DLC1: variants seen among roughly 807,000 people sequenced by gnomAD.
DLC1 encodes DLC1 Rho GTPase activating protein.
A neutral mutation model predicts 140.3 loss-of-function variants in DLC1; 54 were observed. That is an observed-to-expected ratio of 0.38 (90% CI 0.31 to 0.48). The LOEUF (loss-of-function observed/expected upper bound fraction) is 0.48. Among genes scored for constraint, DLC1 ranks in the 20% least tolerant of loss-of-function variants. The pLI is 0.96. For synonymous variants in DLC1, 986 were observed against 728.1 expected (o/e 1.35, Z -5.70); for missense variants, 2,536 against 1,907.0 (o/e 1.33, Z -6.14).
At chr8:13,153,121 C>T (rs1036632149) in intron 5 of DLC1, among the ~76,000 whole-genome samples, 1 of 152,176 alleles carries the variant, frequency 6.6e-6, no homozygotes, top group African/African-American at 2.4e-5. Context: ...AACGAAGCCG[C>T]GGACCCGCGC....
rs7845114 is a variant in DLC1 at position 13,453,537 on chromosome 8, T to C, written c.1023+45512A>G. ...ATACATATATATATATGTATATATATACATATATATATATATATATTTTTT... is the reference window on the plus strand; with the variant it reads ...ATACATATATATATATGTATATATACACATATATATATATATATATTTTTT... On this transcript the variant is annotated intron_variant, in intron 2 of 17. Coordinates refer to ENST00000276297, the MANE Select transcript of DLC1 (RefSeq NM_182643.3). Among the ~76,000 whole-genome samples, 20 of 51,462 alleles carry C rather than the reference T, an allele frequency of 3.9e-4. 2 individuals carry two copies. The highest frequency in any genetic ancestry group is 3.3e-3 in the East Asian group (7 of 2,134). 33.8% of individuals were successfully genotyped at this position (51,462 alleles called of 152,430 possible).
intron 17 of DLC1, 114 bp from the exon 18 acceptor site, chr8:13,086,045 C>G: frequency 1.4e-6 from 2 of 1,470,008 alleles, no homozygotes; most frequent in Non-Finnish European, 1.8e-6. Flanking sequence ...ATTTCCCATG[C>G]CTTTGAATTC....
chr8:13,335,792 A>G (rs573063165), intron 4 of DLC1, among the ~76,000 whole-genome samples: 87 of 152,170 alleles, frequency 5.7e-4, no homozygotes, highest in Non-Finnish European at 9.8e-4. Flanking sequence ...ATGGGTATAT[A>G]AAGTCTGCGA....
intron 4 of DLC1, among the ~76,000 whole-genome samples, chr8:13,339,228 C>T (rs35918367): frequency 0.071 from 10,731 of 152,154 alleles, 802 homozygotes; most frequent in East Asian, 0.36. Flanking sequence ...AAGTTAAAAA[C>T]AACTATGCAA....
rs201223413 is a variant in DLC1 at position 13,482,424 on chromosome 8, A to AG, written c.1023+16624dup. ...ATTTACATATTAAAAAGATAAAAAT[A>AG]GTTGATGAATAGAGCAATGCTGTCT... On this transcript the variant is annotated intron_variant, in intron 2 of 17. Coordinates refer to ENST00000276297, the MANE Select transcript of DLC1 (RefSeq NM_182643.3). Among the ~76,000 whole-genome samples the AG allele has an allele frequency of 3.3e-5, 5 of 151,376 alleles. No homozygotes were observed. In the South Asian group the frequency reaches 1.0e-3, roughly 32 times the overall value.
chr8:13,147,281 G>A (rs749982699), intron 5 of DLC1, among the ~76,000 whole-genome samples: 6 of 152,164 alleles, frequency 3.9e-5, no homozygotes, highest in Non-Finnish European at 8.8e-5. Context: ...AACTGAAGAT[G>A]AATGATGAAT....
intron 4 of DLC1, among the ~76,000 whole-genome samples, chr8:13,367,724 T>C (rs1586218722): frequency 6.6e-6 from 1 of 152,272 alleles, no homozygotes; most frequent in East Asian, 1.9e-4. Context: ...TTCTTCTCTT[T>C]TGTGTTTTGT....
chr8:13,503,916 C>A (rs11989014), intron 1 of DLC1, among the ~76,000 whole-genome samples: 1 of 152,072 alleles, frequency 6.6e-6, no homozygotes, highest in Admixed American at 6.6e-5. Context: ...GCCTCCAGAA[C>A]GTTCAAGTCA....
intron 1 of DLC1, among the ~76,000 whole-genome samples, chr8:13,590,869 A>G (rs1437014158): frequency 6.6e-6 from 1 of 152,158 alleles, no homozygotes; most frequent in Non-Finnish European, 1.5e-5. Context: ...GCACAAATAC[A>G]AATATGTTTA....
chr8:13,430,496 G>T (rs1687368140), intron 2 of DLC1, among the ~76,000 whole-genome samples: 1 of 152,030 alleles, frequency 6.6e-6, no homozygotes, highest in African/African-American at 2.4e-5. Flanking sequence ...AGAAGCTATT[G>T]CCCTCATTTT....
intron 2 of DLC1, among the ~76,000 whole-genome samples, chr8:13,423,644 G>A (rs1464790593): frequency 2.0e-5 from 3 of 152,076 alleles, no homozygotes; most frequent in African/African-American, 7.2e-5. Flanking sequence ...AACAGAAATC[G>A]GATTTCTGCT....
At chr8:13,402,992 A>G (rs1161036232) in intron 2 of DLC1, among the ~76,000 whole-genome samples, 2 of 152,218 alleles carry the variant, frequency 1.3e-5, no homozygotes, top group East Asian at 1.9e-4. Flanking sequence ...CAGACAATCA[A>G]TTAAGCTAAC....
Position 13,427,732 on chromosome 8 carries a change from T to C in DLC1, c.1024-26113A>G, listed in dbSNP as rs1387111688. Among the ~76,000 whole-genome samples, 3 of 152,336 alleles carry C rather than the reference T, an allele frequency of 2.0e-5. No individual in the cohort carries two copies. In the East Asian group the frequency reaches 5.8e-4, roughly 29 times the overall value. ...TGGCAATTATAGTCATATATGTCTA[T>C]CTTCACCCCAAAATGTGAGGTCCTT... On this transcript the variant is annotated intron_variant, in intron 2 of 17. Coordinates refer to ENST00000276297, the MANE Select transcript of DLC1 (RefSeq NM_182643.3).
intron 1 of DLC1, among the ~76,000 whole-genome samples, chr8:13,561,129 T>C (rs984639588): frequency 7.9e-5 from 12 of 151,884 alleles, no homozygotes; most frequent in African/African-American, 1.2e-4. Flanking sequence ...TTCCTTTTTT[T>C]TTTTTTGAGA....
At chr8:13,350,431 C>T (rs994744860) in intron 4 of DLC1, among the ~76,000 whole-genome samples, 2 of 152,014 alleles carry the variant, frequency 1.3e-5, no homozygotes, top group African/African-American at 4.8e-5. Flanking sequence ...AAGAAAAACA[C>T]CAGGCCAGGC....
In DLC1 at chr8:13,110,458, T is replaced by C. The variant is rs1474682361; in HGVS notation, c.1502+284A>G. On this transcript the variant is annotated intron_variant, in intron 7 of 17. Coordinates refer to ENST00000276297, the MANE Select transcript of DLC1 (RefSeq NM_182643.3). ...CCCTTTTAGGAAACCTTAATCCACG[T>C]TTCCAAACCACCTGAGAGTTGTTAC... Among the ~76,000 whole-genome samples the C allele has an allele frequency of 2.6e-5, 4 of 152,266 alleles. 1 individual carries two copies. In the South Asian group the frequency reaches 8.3e-4, roughly 32 times the overall value.
chr8:13,200,432 T>C (rs1827316798), intron 5 of DLC1, among the ~76,000 whole-genome samples: 1 of 152,142 alleles, frequency 6.6e-6, no homozygotes, highest in Non-Finnish European at 1.5e-5. Flanking sequence ...AATAACTTGC[T>C]TGCCACCCAG....
intron 5 of DLC1, chr8:13,276,178 A>T (rs765908268): frequency 8.0e-6 from 12 of 1,498,918 alleles, no homozygotes; most frequent in Non-Finnish European, 9.8e-6. Flanking sequence ...TTCATGAACC[A>T]AGCTTATCAC....
At position 13,570,435 on chromosome 8, in the gene DLC1, T is replaced by C. The variant is rs1804610058; in HGVS notation, c.-126+34102A>G. 3.3e-5 allele frequency among the ~76,000 whole-genome samples: 4 copies of C among 119,510 alleles called. No individual in the cohort carries two copies. The South Asian group carries it at 1.3e-3, about 40-fold the overall frequency. 78.4% of individuals were successfully genotyped at this position (119,510 alleles called of 152,430 possible). On this transcript the variant is annotated intron_variant, in intron 1 of 1. Coordinates refer to the DLC1 transcript ENST00000631382. Reference sequence around the variant, plus strand: ...GCATTAGGTATATCTCCCAATGCTATCCCTCCCCCCTCCCCCCACCCCACC... The same window carrying C: ...GCATTAGGTATATCTCCCAATGCTACCCCTCCCCCCTCCCCCCACCCCACC...
Sources: gnomAD v4.1 joint callset for allele counts (sites outside exome capture counted in the v4.1 genomes callset) on GRCh38, gnomAD v4.1.1 for gene constraint, MANE v1.5 for transcripts, NCBI Gene and HGNC (gene_info 2026-07-23, HGNC 2026-07-21) for gene names.